Variants in ANKRD55 observed in about 807,000 individuals in gnomAD.
ANKRD55 encodes ankyrin repeat domain-containing protein 55.
In ANKRD55, 41 loss-of-function variants were observed where a neutral mutation model predicts 60.6. That is an observed-to-expected ratio of 0.68 (90% CI 0.53 to 0.88). The LOEUF (loss-of-function observed/expected upper bound fraction) is 0.88. Among genes scored for constraint, ANKRD55 ranks in the 40% least tolerant of loss-of-function variants. ANKRD55 has a pLI of 0.00. For synonymous variants in ANKRD55, 264 were observed against 290.3 expected (o/e 0.91, Z 0.92); for missense variants, 732 against 767.6 (o/e 0.95, Z 0.55).
chr5:56,156,445 C>A (rs1200648364), intron 6 of ANKRD55, among the ~76,000 whole-genome samples: 1 of 152,194 alleles, frequency 6.6e-6, no homozygotes, highest in Non-Finnish European at 1.5e-5. Flanking sequence ...GTCTGCACCG[C>A]CAGGTGCCTC....
intron 5 of ANKRD55, among the ~76,000 whole-genome samples, chr5:56,166,115 T>TTTC (rs879881689): frequency 0.17 from 9,455 of 57,110 alleles, 1,226 homozygotes; most frequent in Middle Eastern, 0.24. Flanking sequence ...TCTTTCTTTC[T>TTTC]TTCTTTCTTT....
intron 10 of ANKRD55, among the ~76,000 whole-genome samples, chr5:56,103,614 T>C (rs1014689671): frequency 6.6e-6 from 1 of 152,162 alleles, no homozygotes; most frequent in Non-Finnish European, 1.5e-5. Flanking sequence ...TTTTTTCATA[T>C]ACAAAATGGT....
At chr5:56,136,798 A>G (rs12656552) in intron 7 of ANKRD55, among the ~76,000 whole-genome samples, 37,596 of 151,826 alleles carry the variant, frequency 0.25, 6,442 homozygotes, top group African/African-American at 0.48. Flanking sequence ...GGGTGTGCCT[A>G]TAGTCCCAGG....
In ANKRD55 at chr5:56,173,530, G is replaced by C. The variant is rs1442184896; in HGVS notation, c.312+2622C>G. On this transcript the variant is annotated intron_variant, in intron 4 of 11. Coordinates refer to ENST00000341048, the MANE Select transcript of ANKRD55 (RefSeq NM_024669.3). ...TTATATATCAAATAATACGTTAAAT[G>C]TAGAGATTCGCCTCTCTCTCTCTCT... Among the ~76,000 whole-genome samples the C allele has an allele frequency of 1.0e-4, 12 of 119,304 alleles. No homozygotes were observed. The Admixed American group carries it at 1.0e-3, about 10-fold the overall frequency. The allele number at this position is 119,304 out of a possible 152,430, so 78.3% of individuals were successfully genotyped here. A position where few individuals can be genotyped will look rare whatever the true frequency, so the allele number is the denominator to read the frequency against.
chr5:56,153,567 C>T (rs372855522), intron 6 of ANKRD55, among the ~76,000 whole-genome samples: 32 of 152,118 alleles, frequency 2.1e-4, no homozygotes, highest in East Asian at 7.7e-4. Flanking sequence ...AGGCTGGGTG[C>T]CGTGGCTCAC....
intron 2 of ANKRD55, among the ~76,000 whole-genome samples, chr5:56,209,357 T>A (rs1203003734): frequency 6.6e-6 from 1 of 152,242 alleles, no homozygotes; most frequent in Non-Finnish European, 1.5e-5. Flanking sequence ...GGACTCAGCA[T>A]TACTAATATA....
chr5:56,177,703 A>G (rs529512976), intron 3 of ANKRD55, among the ~76,000 whole-genome samples: 1 of 152,096 alleles, frequency 6.6e-6, no homozygotes, highest in African/African-American at 2.4e-5. Flanking sequence ...TGAACCCGGG[A>G]GGTGGAGGTT....
chr5:56,132,540 G>C (rs551379171), intron 7 of ANKRD55, among the ~76,000 whole-genome samples: 1 of 147,476 alleles, frequency 6.8e-6, no homozygotes, highest in Non-Finnish European at 1.5e-5. Context: ...GCAGTGAGCA[G>C]AGATCGCGCC....
Position 56,231,653 on chromosome 5 carries a change from G to GCA in ANKRD55, c.58+1201_58+1202dup, listed in dbSNP as rs34225686. Among the ~76,000 whole-genome samples the GCA allele has an allele frequency of 3.8e-3, 557 of 148,064 alleles. 2 individuals are homozygous for GCA. Among genetic ancestry groups the GCA allele is most frequent in the Non-Finnish European group, 6.0e-3 (404 of 66,786 alleles). On this transcript the variant is annotated intron_variant, in intron 2 of 11. Coordinates refer to ENST00000341048, the MANE Select transcript of ANKRD55 (RefSeq NM_024669.3). ...ATGAGCCGGCACGTTCTGAAGGCGC[G>GCA]CACACACACACACACACACACACAC...
intron 9 of ANKRD55, among the ~76,000 whole-genome samples, chr5:56,112,738 T>G (rs565027153): frequency 1.3e-5 from 2 of 152,288 alleles, no homozygotes; most frequent in South Asian, 4.1e-4. Context: ...AGGCTCCAAT[T>G]GACTTAATGC....
chr5:56,136,633 A>G (rs1234411323), intron 7 of ANKRD55, among the ~76,000 whole-genome samples: 1 of 152,082 alleles, frequency 6.6e-6, no homozygotes, highest in African/African-American at 2.4e-5. Context: ...GTAAAACCTA[A>G]AATTAGGCCG....
chr5:56,218,956 T>C (rs1759892369), intron 2 of ANKRD55, among the ~76,000 whole-genome samples: 1 of 152,160 alleles, frequency 6.6e-6, no homozygotes, highest in Non-Finnish European at 1.5e-5. Flanking sequence ...TTTTACAACA[T>C]ATCTGTAAGT....
At chr5:56,135,842 G>A (rs1443406734) in intron 7 of ANKRD55, among the ~76,000 whole-genome samples, 4 of 152,232 alleles carry the variant, frequency 2.6e-5, no homozygotes, top group African/African-American at 9.6e-5. Flanking sequence ...CTGAAACTAA[G>A]AAGCAATTAT....
chr5:56,137,161 G>C (rs192360009), intron 7 of ANKRD55: 2 of 1,509,512 alleles, frequency 1.3e-6, no homozygotes, highest in African/African-American at 2.7e-5. Flanking sequence ...CCATTGTGAC[G>C]TTACAGTGGT....
At chr5:56,218,113 T>G (rs36757) in intron 2 of ANKRD55, among the ~76,000 whole-genome samples, 72,102 of 151,982 alleles carry the variant, frequency 0.47, 20,918 homozygotes, top group East Asian at 0.86. Flanking sequence ...TGGATGAAGA[T>G]TTGCTTCTTA....
intron 2 of ANKRD55, among the ~76,000 whole-genome samples, chr5:56,215,050 A>G (rs995933060): frequency 6.6e-6 from 1 of 152,178 alleles, no homozygotes; most frequent in Non-Finnish European, 1.5e-5. Context: ...ATGGGCCCAC[A>G]ACCAAAGAGC....
rs188863546 is a variant in ANKRD55, at chr5:56,225,499, G to T, written c.58+7357C>A. Among the ~76,000 whole-genome samples, 142 of 152,306 alleles carry T rather than the reference G, an allele frequency of 9.3e-4. 3 individuals are homozygous for T. The Middle Eastern group carries it at 0.027, about 29-fold the overall frequency. On this transcript the variant is annotated intron_variant, in intron 2 of 11. Coordinates refer to ENST00000341048, the MANE Select transcript of ANKRD55 (RefSeq NM_024669.3). The stretch of plus-strand genomic sequence containing the variant: ...TTCCGGCCAAGGCAATCAGGCAGGA[G>T]AAATAAATAAAGAGTATTCAATTAG...
chr5:56,219,490 CAAAG>C (rs1759910814), intron 2 of ANKRD55, among the ~76,000 whole-genome samples: 1 of 151,990 alleles, frequency 6.6e-6, no homozygotes, highest in Admixed American at 6.6e-5. Context: ...AAAGAGAAAA[CAAAG>C]AGCCCTTATT....
At chr5:56,127,168 A>AC in intron 7 of ANKRD55, 62 bp from the exon 8 acceptor site, 1 of 1,351,928 alleles carries the variant, frequency 7.4e-7, no homozygotes, top group Non-Finnish European at 9.6e-7. Flanking sequence ...CTGTCTAGGC[A>AC]TGTTAAGATA....
Sources: gnomAD v4.1 joint callset for allele counts (sites outside exome capture counted in the v4.1 genomes callset) on GRCh38, gnomAD v4.1.1 for gene constraint, MANE v1.5 for transcripts, NCBI Gene and HGNC (gene_info 2026-07-23, HGNC 2026-07-21) for gene names.